Variants in BID observed in about 807,000 individuals in gnomAD.
BID encodes the protein BH3 interacting domain death agonist.
A neutral mutation model predicts 17.4 loss-of-function variants in BID; 19 were observed. The observed-to-expected ratio is 1.09, with a 90% CI of 0.76 to 1.60. The LOEUF (loss-of-function observed/expected upper bound fraction) is 1.60. Ranked by LOEUF, BID falls within the 40% of genes most tolerant of loss-of-function variation. The pLI, the probability that BID is intolerant of heterozygous loss-of-function variation, is 0.00. For missense variants in BID, 226 were observed against 256.0 expected, an observed-to-expected ratio of 0.88 and a Z score of 0.80; for synonymous variants, 108 against 102.8, an observed-to-expected ratio of 1.05 and a Z score of -0.31.
intron 3 of BID, 135 bp downstream of exon 3, chr22:17,743,668 A>G (rs2061475734): frequency 1.2e-6 from 1 of 857,242 alleles, no homozygotes; most frequent in African/African-American, 1.7e-5. Context: ...TGATTAAGTG[A>G]TACCAGCGTA....
In BID at chr22:17,761,630, A is replaced by G. The variant is rs1026674367; in HGVS notation, c.-58-11456T>C. Reference sequence around the variant, plus strand: ...GTATTTTTAGTGGAGACGGGGTTTCACCGTGTTAGCCAGGATGGTCTCGAT... The same window carrying G: ...GTATTTTTAGTGGAGACGGGGTTTCGCCGTGTTAGCCAGGATGGTCTCGAT... On this transcript the variant is annotated intron_variant, in intron 1 of 5. Transcript: ENST00000622694. Among the ~76,000 whole-genome samples the G allele has an allele frequency of 2.0e-5, 3 of 151,798 alleles. 1 individual carries two copies. The highest frequency in any genetic ancestry group is 7.3e-5 in the African/African-American group (3 of 41,320).
At chr22:17,755,930 C>T (rs1601861166) in intron 1 of BID, among the ~76,000 whole-genome samples, 1 of 152,114 alleles carries the variant, frequency 6.6e-6, no homozygotes, top group South Asian at 2.1e-4. Context: ...TACAATGGCA[C>T]GATCTCGGCT....
intron 2 of BID, among the ~76,000 whole-genome samples, chr22:17,744,228 G>A (rs574200539): frequency 1.1e-4 from 17 of 152,280 alleles, no homozygotes; most frequent in South Asian, 2.1e-4. Flanking sequence ...GGCAGGGAGC[G>A]AGCCCCGACT....
chr22:17,768,021 C>T (rs1465929647), intron 1 of BID, among the ~76,000 whole-genome samples: 1 of 152,214 alleles, frequency 6.6e-6, no homozygotes, highest in Non-Finnish European at 1.5e-5. Context: ...TGAAAGAAGT[C>T]AGTCACAAAA....
At chr22:17,766,058 C>A (rs1271108822) in intron 1 of BID, among the ~76,000 whole-genome samples, 1 of 151,908 alleles carries the variant, frequency 6.6e-6, no homozygotes, top group Non-Finnish European at 1.5e-5. Context: ...CCTCCAGAGC[C>A]GGGACTACAG....
intron 1 of BID, among the ~76,000 whole-genome samples, chr22:17,759,579 G>A (rs540756095): frequency 1.3e-5 from 2 of 151,970 alleles, no homozygotes; most frequent in Non-Finnish European, 2.9e-5. Flanking sequence ...AACAGAGCCA[G>A]GTGTAGTGGT....
At chr22:17,748,904 A>C (rs2061516351) in intron 2 of BID, among the ~76,000 whole-genome samples, 1 of 152,248 alleles carries the variant, frequency 6.6e-6, no homozygotes, top group Admixed American at 6.5e-5. Flanking sequence ...AGCCTGGATC[A>C]GGGCCGGGGG....
intron 1 of BID, among the ~76,000 whole-genome samples, chr22:17,765,285 A>T (rs1190034982): frequency 6.6e-6 from 1 of 152,178 alleles, no homozygotes; most frequent in Admixed American, 6.5e-5. Flanking sequence ...GATCACCCCC[A>T]TTTGACAGAT....
intron 1 of BID, among the ~76,000 whole-genome samples, chr22:17,762,615 A>T (rs1013759342): frequency 2.6e-5 from 4 of 151,462 alleles, no homozygotes; most frequent in Admixed American, 2.6e-4. Context: ...CAGTAGCACG[A>T]TCATGGCCCA....
rs2061407616 is a variant in BID at position 17,734,683 on chromosome 22, C to T, written c.*897G>A. The T allele has an allele frequency of 6.6e-6, 1 of 152,212 alleles. No individual in the cohort carries two copies. The highest frequency in any genetic ancestry group is 2.1e-4 in the South Asian group (1 of 4,832). 9.4% of individuals were successfully genotyped at this position (152,212 alleles called of 1,614,324 possible). On this transcript the variant is annotated 3_prime_UTR_variant, in exon 6 of 6. Coordinates refer to ENST00000622694, the MANE Select transcript of BID (RefSeq NM_001196.4). ...GTTCTCTCCAGATGCACTTCTGAGG[C>T]ATGGATGAGCTGAGCGTATGGCTAG... is the stretch of plus-strand genomic sequence containing the variant.
At chr22:17,757,750 G>A (rs917436390) in intron 1 of BID, among the ~76,000 whole-genome samples, 3 of 152,064 alleles carry the variant, frequency 2.0e-5, no homozygotes, top group Admixed American at 1.3e-4. Context: ...ATTCCAGCAG[G>A]TTTCTCCTGT....
At chr22:17,770,643 C>T (rs2061712305) in intron 1 of BID, among the ~76,000 whole-genome samples, 2 of 152,260 alleles carry the variant, frequency 1.3e-5, no homozygotes, top group Admixed American at 1.3e-4. Context: ...AAGCTCTTGG[C>T]CAAGGGCCGT....
At chr22:17,738,662 T>C (rs1032320191) in intron 4 of BID, among the ~76,000 whole-genome samples, 1 of 152,114 alleles carries the variant, frequency 6.6e-6, no homozygotes, top group African/African-American at 2.4e-5. Context: ...TCGGCGCACA[T>C]GCAGAGTTAC....
At chr22:17,742,326 CACAGCAGTGCTG>C (rs1281291289) in intron 3 of BID, among the ~76,000 whole-genome samples, 2 of 152,232 alleles carry the variant, frequency 1.3e-5, no homozygotes, top group African/African-American at 4.8e-5. Flanking sequence ...CAGTCACCCC[CACAGCAGTGCTG>C]ACAGCAGAGC....
chr22:17,740,463 T>TC, intron 3 of BID: 1 of 324,170 alleles, frequency 3.1e-6, no homozygotes, highest in South Asian at 2.9e-5. Flanking sequence ...GGAGTCTTGC[T>TC]CTGTCACCCA....
intron 1 of BID, among the ~76,000 whole-genome samples, chr22:17,755,082 CTTTTTTT>C (rs59654004): frequency 3.0e-5 from 3 of 99,248 alleles, no homozygotes; most frequent in Non-Finnish European, 3.9e-5. Context: ...TTTTTCTTTT[CTTTTTTT>C]TTTTTTTTTT....
At chr22:17,757,666 G>A (rs1241847906) in intron 1 of BID, among the ~76,000 whole-genome samples, 13 of 145,500 alleles carry the variant, frequency 8.9e-5, no homozygotes, top group Admixed American at 2.1e-4. Flanking sequence ...CCAAGATAGC[G>A]CCACTGTACT....
rs1050859338 is a variant in BID, at chr22:17,774,036, GCCCCTCCCCCTCCCCGCGCCCCGCA to G, written c.-59+320_-59+344del. On this transcript the variant is annotated intron_variant, in intron 1 of 5. Coordinates refer to ENST00000622694, the MANE Select transcript of BID (RefSeq NM_001196.4). The stretch of plus-strand genomic sequence containing the variant: ...TTTCTCCTCTCCGGGGCTGGCCTCG[GCCCCTCCCCCTCCCCGCGCCCCGCA>G]CCCCTCCCCTGAATCCCCAGGCCAC... 25 of 384,428 alleles carry G rather than the reference GCCCCTCCCCCTCCCCGCGCCCCGCA, an allele frequency of 6.5e-5. No individual in the cohort carries two copies. The Admixed American group carries it at 7.1e-4, about 11-fold the overall frequency. The allele number at this position is 384,428 out of a possible 1,614,324, so 23.8% of individuals were successfully genotyped here.
At chr22:17,747,295 G>A (rs1026082954) in intron 2 of BID, among the ~76,000 whole-genome samples, 9 of 152,148 alleles carry the variant, frequency 5.9e-5, no homozygotes, top group African/African-American at 2.2e-4. Flanking sequence ...GTGCCAATAT[G>A]GAATCATGCC....
Sources: allele counts gnomAD v4.1 joint callset (sites outside exome capture counted in the v4.1 genomes callset), GRCh38; gene constraint gnomAD v4.1.1; transcripts MANE v1.5; gene names NCBI Gene and HGNC (gene_info 2026-07-23, HGNC 2026-07-21).